Variants in SEMA4D observed in about 807,000 individuals in gnomAD.
SEMA4D encodes semaphorin-4D.
In SEMA4D, 22 loss-of-function variants were observed where a neutral mutation model predicts 74.8. The ratio of observed to expected loss-of-function variants is 0.29; its 90% CI spans 0.21 to 0.42. The LOEUF is 0.42. Among genes scored for constraint, SEMA4D ranks in the 10% least tolerant of loss-of-function variants. The pLI, the probability that SEMA4D is intolerant of heterozygous loss-of-function variation, is 1.00. For synonymous variants in SEMA4D, 445 were observed against 463.7 expected (o/e 0.96, Z 0.52); for missense variants, 937 against 1,118.4 (o/e 0.84, Z 2.31).
At chr9:89,363,899 G>A (rs1052739705) in exon 17 of SEMA4D, 2 of 1,613,970 alleles carry the variant, frequency 1.2e-6, no homozygotes, top group Non-Finnish European at 1.7e-6. Flanking sequence ...AGGGACACAG[G>A]TCTCCAGAGC....
chr9:89,437,441 G>A (rs1256848495), intron 2 of SEMA4D, among the ~76,000 whole-genome samples: 1 of 152,202 alleles, frequency 6.6e-6, no homozygotes. Flanking sequence ...AGCTCGCCCT[G>A]AGTCTCTGAC....
intron 1 of SEMA4D, among the ~76,000 whole-genome samples, chr9:89,481,285 G>A (rs1347261770): frequency 2.0e-5 from 3 of 152,228 alleles, no homozygotes; most frequent in Admixed American, 6.5e-5. Context: ...AGGGTCCAGC[G>A]AGGGAGGCGG....
At position 89,379,184 on chromosome 9, in the gene SEMA4D, G is replaced by A. The variant is rs753201057; in HGVS notation, c.2109C>T (p.Pro703=). 1.5e-5 allele frequency: 25 copies of A among 1,614,074 alleles called. No individual in the cohort carries two copies. The highest frequency in any genetic ancestry group is 2.1e-5 in the Non-Finnish European group (25 of 1,180,032). The change falls in exon 16 of 16, where the codon CCC becomes CCT. Residue 703 remains proline (P), a synonymous_variant. Transcript: ENST00000422704. ...GAITLPPKPA[P]TGTSCEPKIV... is the part of the protein sequence containing the mutation. Reference sequence around the variant, plus strand: ...TCTTTGGTTCGCAGGATGTGCCGGTGGGCGCAGGCTTGGGAGGAAGGGTGA... The same window carrying A: ...TCTTTGGTTCGCAGGATGTGCCGGTAGGCGCAGGCTTGGGAGGAAGGGTGA...
At chr9:89,400,760 G>A (rs1842029949) in intron 4 of SEMA4D, among the ~76,000 whole-genome samples, 1 of 151,512 alleles carries the variant, frequency 6.6e-6, no homozygotes, top group East Asian at 2.0e-4. Flanking sequence ...GATTTTCACT[G>A]ATGCTTGGCG....
At chr9:89,475,806 A>G in intron 1 of SEMA4D, among the ~76,000 whole-genome samples, 1 of 152,234 alleles carries the variant, frequency 6.6e-6, no homozygotes, top group East Asian at 1.9e-4. Context: ...AAACAATGAT[A>G]TGACCATGGC....
intron 2 of SEMA4D, chr9:89,450,441 G>T (rs532341957): frequency 7.2e-7 from 1 of 1,392,142 alleles, no homozygotes; most frequent in Admixed American, 1.7e-5. Flanking sequence ...GGGTGTGGTG[G>T]AGTGCGCCAA....
intron 18 of SEMA4D, chr9:89,363,306 C>G: frequency 7.1e-7 from 1 of 1,409,298 alleles, no homozygotes; most frequent in South Asian, 1.4e-5. Context: ...GGAAACTGCT[C>G]CGGGGCTAAG....
intron 2 of SEMA4D, among the ~76,000 whole-genome samples, chr9:89,440,007 T>A (rs1426053828): frequency 6.6e-6 from 1 of 152,220 alleles, no homozygotes; most frequent in Non-Finnish European, 1.5e-5. Flanking sequence ...ACACACGTGC[T>A]GGGTCAGGAG....
intron 2 of SEMA4D, among the ~76,000 whole-genome samples, chr9:89,410,654 G>C (rs1844328596): frequency 6.6e-6 from 1 of 152,104 alleles, no homozygotes; most frequent in African/African-American, 2.4e-5. Flanking sequence ...AAAAAATGAG[G>C]AATTATTAAA....
At chr9:89,397,702 C>T (rs1391331673) in intron 5 of SEMA4D, among the ~76,000 whole-genome samples, 1 of 152,242 alleles carries the variant, frequency 6.6e-6, no homozygotes, top group Non-Finnish European at 1.5e-5. Context: ...CTTTTCCTCT[C>T]ATTTCCTAAT....
rs895887901 is a variant in SEMA4D at position 89,381,135 on chromosome 9, C to T, written c.1620-37G>A. 1 of 1,614,054 alleles carries T rather than the reference C, an allele frequency of 6.2e-7. No individual in the cohort carries two copies. The highest frequency in any genetic ancestry group is 1.3e-5 in the African/African-American group (1 of 74,950). On this transcript the variant is annotated intron_variant, in intron 14 of 15. Transcript: ENST00000422704. The surrounding 1 kb of genome is among the most constrained non-coding windows in gnomAD (Gnocchi z 4.6). The stretch of plus-strand genomic sequence containing the variant: ...CCGGCACGTGTTATTCACCCACACA[C>T]ATGGGGGACATCCCCAGGCAGCGCA...
intron 12 of SEMA4D, 110 bp downstream of exon 12, chr9:89,387,276 G>T: frequency 1.1e-6 from 1 of 903,380 alleles, no homozygotes; most frequent in Non-Finnish European, 1.7e-6. Context: ...AGGTCACCTC[G>T]AGGGAGGCAA....
intron 6 of SEMA4D, among the ~76,000 whole-genome samples, chr9:89,395,903 T>C (rs1034136776): frequency 6.6e-6 from 1 of 152,262 alleles, no homozygotes; most frequent in Non-Finnish European, 1.5e-5. Flanking sequence ...TGGCATATTT[T>C]ACATTTATCA....
chr9:89,362,285 C>A, exon 19 of SEMA4D: 1 of 1,580,582 alleles, frequency 6.3e-7, no homozygotes, highest in Non-Finnish European at 8.7e-7. Flanking sequence ...TCAGAGCAGG[C>A]TTGGGCAAGA....
intron 2 of SEMA4D, among the ~76,000 whole-genome samples, chr9:89,444,914 G>A (rs1227560674): frequency 6.6e-6 from 1 of 152,074 alleles, no homozygotes; most frequent in East Asian, 1.9e-4. Context: ...CAAATCCAGA[G>A]CTCCTACAGA....
intron 5 of SEMA4D, 112 bp downstream of exon 5, chr9:89,399,164 C>T (rs1447659910): frequency 1.2e-6 from 1 of 868,638 alleles, no homozygotes; most frequent in Non-Finnish European, 1.9e-6. Context: ...GCAGAATGAA[C>T]AGAGCCTGGA....
Position 89,391,296 on chromosome 9 carries a change from C to T in SEMA4D, c.742G>A (p.Val248Met), listed in dbSNP as rs143643219. ...ACTCTTGCTATCCGTGGGATCAGCA[C>T]CCTGAACACAAACTCATACTCCACA... ...VSVEYEFVFR[V>M]LIPRIARVCK... The change falls in exon 9 of 16, where the codon GTG (valine) becomes ATG (methionine). Residue 248 changes from valine to methionine, a missense_variant. Physicochemically the swap from Val to Met is conservative, Grantham distance 21. Coordinates refer to ENST00000422704, the MANE Select transcript of SEMA4D (RefSeq NM_001371194.2). 7.1e-5 allele frequency: 114 copies of T among 1,614,128 alleles called. No individual in the cohort carries two copies. Among genetic ancestry groups the T allele is most frequent in the Non-Finnish European group, 9.4e-5 (111 of 1,180,062 alleles).
chr9:89,420,585 A>G (rs1158947991), intron 2 of SEMA4D, among the ~76,000 whole-genome samples: 3 of 152,276 alleles, frequency 2.0e-5, no homozygotes, highest in Non-Finnish European at 4.4e-5. Flanking sequence ...GCAGAAGGAC[A>G]GAGCCACTGG....
chr9:89,363,313 TAA>T (rs1833035535), intron 18 of SEMA4D: 1 of 1,453,792 alleles, frequency 6.9e-7, no homozygotes, highest in East Asian at 2.3e-5. Flanking sequence ...GCTCCGGGGC[TAA>T]GAGGGAACAA....
Sources: gnomAD v4.1 joint callset for allele counts (sites outside exome capture counted in the v4.1 genomes callset) on GRCh38, gnomAD v4.1.1 for gene constraint, Gnocchi (gnomAD v3.1) non-coding constraint, MANE v1.5 for transcripts, NCBI Gene and HGNC (gene_info 2026-07-23, HGNC 2026-07-21) for gene names.